The following DLG1 variants were observed in gnomAD, a reference collection of about 807,000 sequenced individuals.
The protein encoded by DLG1 is discs large MAGUK scaffold protein 1.
Under a neutral mutation model 123.4 loss-of-function variants are expected in DLG1, and 42 were observed. The observed-to-expected ratio is 0.34, with a 90% CI of 0.27 to 0.44. DLG1 has a LOEUF of 0.44. Among genes scored for constraint, DLG1 ranks in the 20% least tolerant of loss-of-function variants. The pLI, the probability that DLG1 is intolerant of heterozygous loss-of-function variation, is 1.00. For synonymous variants in DLG1, 317 were observed against 356.2 expected (o/e 0.89, Z 1.24); for missense variants, 942 against 1,082.6 (o/e 0.87, Z 1.82).
At position 197,087,258 on chromosome 3, in the gene DLG1, TA is replaced by T. The variant is rs1399850216; in HGVS notation, c.1662-1503del. Among the ~76,000 whole-genome samples the T allele has an allele frequency of 4.6e-5, 7 of 152,290 alleles. No individual in the cohort carries two copies. The East Asian group carries it at 1.2e-3, about 25-fold the overall frequency. On this transcript the variant is annotated intron_variant, in intron 15 of 24. Coordinates refer to ENST00000667157, the MANE Select transcript of DLG1 (RefSeq NM_001366207.1). Reference sequence around the variant, plus strand: ...TTTTATCATATAATATGTGAGTGACTAAAAGATATAATGTATGTTTTTGCTT... The same window carrying T: ...TTTTATCATATAATATGTGAGTGACTAAAGATATAATGTATGTTTTTGCTT...
chr3:197,152,353 T>C (rs1231765877), intron 5 of DLG1, among the ~76,000 whole-genome samples: 1 of 151,970 alleles, frequency 6.6e-6, no homozygotes, highest in Non-Finnish European at 1.5e-5. Context: ...GTCTTTTAGT[T>C]GTAGTTGTTT....
chr3:197,195,921 G>A (rs1278705124), intron 4 of DLG1, among the ~76,000 whole-genome samples: 1 of 151,634 alleles, frequency 6.6e-6, no homozygotes, highest in Non-Finnish European at 1.5e-5. Flanking sequence ...AGGAAAAAAC[G>A]CTCAGCTTCT....
chr3:197,179,079 G>A (rs1808682973), intron 5 of DLG1, among the ~76,000 whole-genome samples: 1 of 152,092 alleles, frequency 6.6e-6, no homozygotes, highest in Admixed American at 6.6e-5. Flanking sequence ...GGAACACAAA[G>A]CAAGATTATT....
At chr3:197,265,800 C>T (rs983535347) in intron 4 of DLG1, among the ~76,000 whole-genome samples, 3 of 152,152 alleles carry the variant, frequency 2.0e-5, no homozygotes. Flanking sequence ...ACCTGTAATC[C>T]CAGCACTCTG....
chr3:197,198,911 C>T (rs75988322), intron 4 of DLG1, among the ~76,000 whole-genome samples: 6,291 of 152,238 alleles, frequency 0.041, 178 homozygotes, highest in Non-Finnish European at 0.054. Context: ...AGCAATTTCA[C>T]TCAAGAGGGA....
intron 5 of DLG1, among the ~76,000 whole-genome samples, chr3:197,187,244 T>C (rs533535633): frequency 1.8e-4 from 28 of 152,308 alleles, no homozygotes; most frequent in Middle Eastern, 3.4e-3. Context: ...CATGTTTCTA[T>C]ATGTTCCAGA....
chr3:197,179,757 C>T (rs1444468356), intron 5 of DLG1, among the ~76,000 whole-genome samples: 2 of 151,986 alleles, frequency 1.3e-5, no homozygotes, highest in Non-Finnish European at 1.5e-5. Flanking sequence ...ACAATATATC[C>T]AATGCATAGC....
At chr3:197,152,879 C>CTGAAGCA (rs1339567888) in intron 5 of DLG1, among the ~76,000 whole-genome samples, 1 of 151,344 alleles carries the variant, frequency 6.6e-6, no homozygotes, top group Admixed American at 6.6e-5. Flanking sequence ...CTGTAACAGA[C>CTGAAGCA]TGAAGCAGCC....
intron 23 of DLG1, among the ~76,000 whole-genome samples, chr3:197,055,586 T>C (rs1731125195): frequency 6.6e-6 from 1 of 152,158 alleles, no homozygotes; most frequent in South Asian, 2.1e-4. Context: ...CTTAGGGTCT[T>C]TTCAGGTATT....
intron 10 of DLG1, among the ~76,000 whole-genome samples, chr3:197,133,589 A>C (rs528891110): frequency 6.6e-6 from 1 of 152,242 alleles, no homozygotes; most frequent in South Asian, 2.1e-4. Flanking sequence ...TGATGATCCC[A>C]AAGTTTTACG....
intron 4 of DLG1, among the ~76,000 whole-genome samples, chr3:197,270,735 C>A (rs867140723): frequency 7.9e-5 from 12 of 152,098 alleles, no homozygotes; most frequent in African/African-American, 2.9e-4. Flanking sequence ...CCCACCTTTA[C>A]GCAATCCAAC....
chr3:197,274,318 AAG>A lies in DLG1; in HGVS notation c.318+8359_318+8360del, dbSNP rs563508235. On this transcript the variant is annotated intron_variant, in intron 4 of 24. Transcript: ENST00000667157. The stretch of plus-strand genomic sequence containing the variant: ...CATTTAAGCCAACTCATTTTTGAAA[AAG>A]AAGCCAAAAACACACAATGGGAAAA... Among the ~76,000 whole-genome samples, 247 of 152,328 alleles carry A rather than the reference AAG, an allele frequency of 1.6e-3. 2 individuals carry two copies. The highest frequency in any genetic ancestry group is 3.4e-3 in the Middle Eastern group (1 of 294).
Position 197,073,623 on chromosome 3 carries a change from T to G in DLG1, c.2005+2963A>C, listed in dbSNP as rs77742784. ...GGTTTGATAAGACGATTTCTCTCAC[T>G]GTTTTCTCTACTGTTAACAGGGAAA... On this transcript the variant is annotated intron_variant, in intron 18 of 24. Transcript: ENST00000667157. Among the ~76,000 whole-genome samples the G allele has an allele frequency of 2.4e-4, 37 of 152,354 alleles. No individual in the cohort carries two copies. In the East Asian group the frequency reaches 7.1e-3, roughly 29 times the overall value.
intron 4 of DLG1, among the ~76,000 whole-genome samples, chr3:197,227,619 TA>T (rs1359912452): frequency 6.6e-6 from 1 of 152,248 alleles, no homozygotes; most frequent in African/African-American, 2.4e-5. Context: ...TATATTTTGC[TA>T]TACACCAGAA....
intron 18 of DLG1, chr3:197,069,838 T>A (rs142983138): frequency 1.7e-4 from 26 of 152,336 alleles, no homozygotes; most frequent in African/African-American, 6.3e-4. Context: ...ATGGTGGCAA[T>A]TGCATTTTAA....
At position 197,138,269 on chromosome 3, in the gene DLG1, G is replaced by C; in HGVS notation, c.836C>G (p.Pro279Arg). 1 of 1,602,308 alleles carries C rather than the reference G, an allele frequency of 6.2e-7. No individual in the cohort carries two copies. Among genetic ancestry groups the C allele is most frequent in the Middle Eastern group, 1.7e-4 (1 of 6,012 alleles). ...IVRLYVKRRKPVSEKIMEIKL... is the reference protein window; with the variant it reads ...IVRLYVKRRKRVSEKIMEIKL... ...TATTTCCATTATTTTTTCTGACACT[G>C]GTTTCCTTCTTTTTACATACAAGCG... The change falls in exon 9 of 25, where the codon CCA becomes CGA. Residue 279 changes from proline (P) to arginine (R), a missense_variant. Pro to Arg is a moderately radical substitution (Grantham distance 103). Coordinates refer to ENST00000667157, the MANE Select transcript of DLG1 (RefSeq NM_001366207.1).
intron 20 of DLG1, among the ~76,000 whole-genome samples, chr3:197,066,052 G>A (rs978795912): frequency 6.6e-6 from 1 of 152,124 alleles, no homozygotes; most frequent in African/African-American, 2.4e-5. Context: ...TAAATTTGGT[G>A]TTTTCGCAGA....
intron 4 of DLG1, among the ~76,000 whole-genome samples, chr3:197,216,235 C>T (rs1734050837): frequency 6.6e-6 from 1 of 152,180 alleles, no homozygotes; most frequent in South Asian, 2.1e-4. Context: ...CAGACACCAA[C>T]TTGGTAAGTC....
intron 24 of DLG1, among the ~76,000 whole-genome samples, chr3:197,046,486 T>A (rs1354142407): frequency 6.6e-6 from 1 of 152,200 alleles, no homozygotes; most frequent in Non-Finnish European, 1.5e-5. Context: ...CATCATTACT[T>A]CATTGCTATT....
Sources: allele counts gnomAD v4.1 joint callset (sites outside exome capture counted in the v4.1 genomes callset), GRCh38; gene constraint gnomAD v4.1.1; transcripts MANE v1.5; gene names NCBI Gene and HGNC (gene_info 2026-07-23, HGNC 2026-07-21).